DPP10: variants seen among roughly 807,000 people sequenced by gnomAD.
DPP10 encodes the protein dipeptidyl peptidase like 10.
In DPP10, 33 loss-of-function variants were observed where a neutral mutation model predicts 120.9. The observed-to-expected ratio is 0.27, with a 90% confidence interval of 0.21 to 0.37. The LOEUF is 0.37. Among genes scored for constraint, DPP10 ranks in the 10% least tolerant of loss-of-function variants. The pLI, the probability that DPP10 is intolerant of heterozygous loss-of-function variation, is 1.00. For synonymous variants in DPP10, 337 were observed against 326.1 expected (o/e 1.03, Z -0.36); for missense variants, 816 against 942.8 (o/e 0.87, Z 1.76).
intron 1 of DPP10, among the ~76,000 whole-genome samples, chr2:114,617,037 T>A (rs1439309509): frequency 6.6e-6 from 1 of 152,106 alleles, no homozygotes; most frequent in Non-Finnish European, 1.5e-5. Context: ...TACCACCAGT[T>A]AACATCAGAA....
chr2:114,918,764 G>C (rs1218588558), intron 1 of DPP10, among the ~76,000 whole-genome samples: 1 of 152,128 alleles, frequency 6.6e-6, no homozygotes, highest in Non-Finnish European at 1.5e-5. Flanking sequence ...TGTACACAAA[G>C]AGGGGATCAA....
At chr2:115,140,290 C>A (rs1359777100) in intron 1 of DPP10, among the ~76,000 whole-genome samples, 1 of 152,122 alleles carries the variant, frequency 6.6e-6, no homozygotes, top group East Asian at 1.9e-4. Context: ...AAGTGTACTA[C>A]TGGCAAAGGA....
At chr2:115,627,691 C>T (rs989463174) in intron 5 of DPP10, among the ~76,000 whole-genome samples, 1 of 152,072 alleles carries the variant, frequency 6.6e-6, no homozygotes, top group East Asian at 1.9e-4. Context: ...CCCTCACCCC[C>T]TCAAAGGGCC....
intron 5 of DPP10, among the ~76,000 whole-genome samples, chr2:115,596,386 T>G (rs950085466): frequency 2.0e-5 from 3 of 152,168 alleles, no homozygotes; most frequent in African/African-American, 7.2e-5. Flanking sequence ...GTTTAAATAT[T>G]TGATTTAAGT....
At chr2:114,797,480 C>A (rs1437041760) in intron 1 of DPP10, among the ~76,000 whole-genome samples, 2 of 152,132 alleles carry the variant, frequency 1.3e-5, no homozygotes, top group East Asian at 1.9e-4. Flanking sequence ...AACGTTGGAG[C>A]ATTAACAAGA....
intron 1 of DPP10, among the ~76,000 whole-genome samples, chr2:114,510,000 G>T (rs545343966): frequency 4.4e-4 from 67 of 151,868 alleles, no homozygotes; most frequent in African/African-American, 1.5e-3. Context: ...AGACTTCATG[G>T]ACAGAGTGAA....
rs150247099 is a variant in DPP10, at chr2:114,957,565, C to T, written c.61-351674C>T. On this transcript the variant is annotated intron_variant, in intron 1 of 25. Transcript: ENST00000410059. ...CCTCAATAAACTAAAAATAGAGCCACCATATGATCCAGCCATTTCACCTCT... is the reference window on the plus strand; with the variant it reads ...CCTCAATAAACTAAAAATAGAGCCATCATATGATCCAGCCATTTCACCTCT... Among the ~76,000 whole-genome samples, 461 of 152,190 alleles carry T rather than the reference C, an allele frequency of 3.0e-3. 1 individual carries two copies. The highest frequency in any genetic ancestry group is 0.011 in the African/African-American group (451 of 41,516).
chr2:115,297,069 G>T (rs1457802572), intron 1 of DPP10, among the ~76,000 whole-genome samples: 2 of 151,986 alleles, frequency 1.3e-5, no homozygotes, highest in Admixed American at 1.3e-4. Flanking sequence ...TTTATAAATA[G>T]TTTTCACTTG....
intron 19 of DPP10, among the ~76,000 whole-genome samples, chr2:115,797,455 A>G (rs1292637363): frequency 6.6e-6 from 1 of 152,064 alleles, no homozygotes; most frequent in Non-Finnish European, 1.5e-5. Context: ...TCTTGCAAAA[A>G]TAGTACATAT....
At chr2:115,747,627 T>C (rs1284558761) in intron 10 of DPP10, among the ~76,000 whole-genome samples, 4 of 144,874 alleles carry the variant, frequency 2.8e-5, no homozygotes, top group African/African-American at 1.0e-4. Flanking sequence ...GGAGTCTCAC[T>C]CTGTCACCCA....
At chr2:114,465,765 C>T (rs1407942895) in intron 1 of DPP10, among the ~76,000 whole-genome samples, 1 of 152,178 alleles carries the variant, frequency 6.6e-6, no homozygotes, top group African/African-American at 2.4e-5. Flanking sequence ...TATTCTGATA[C>T]ATGTATGCAA....
chr2:115,648,450 A>G (rs1180648679), intron 5 of DPP10, among the ~76,000 whole-genome samples: 2 of 152,062 alleles, frequency 1.3e-5, no homozygotes, highest in African/African-American at 4.8e-5. Context: ...TATGTGATAT[A>G]ATGCATATAT....
chr2:114,987,563 T>C (rs1045821395), intron 1 of DPP10, among the ~76,000 whole-genome samples: 18 of 152,276 alleles, frequency 1.2e-4, no homozygotes, highest in African/African-American at 4.3e-4. Context: ...ATTCATTTAC[T>C]CAGAATGTCA....
At chr2:115,019,669 C>G (rs1003668676) in intron 1 of DPP10, among the ~76,000 whole-genome samples, 1 of 152,162 alleles carries the variant, frequency 6.6e-6, no homozygotes, top group East Asian at 1.9e-4. Flanking sequence ...CAAAGAACAC[C>G]TGGGAAATTC....
chr2:115,593,519 A>C (rs534607958), intron 5 of DPP10, among the ~76,000 whole-genome samples: 1 of 152,286 alleles, frequency 6.6e-6, no homozygotes, highest in African/African-American at 2.4e-5. Context: ...GCTTTAAGAA[A>C]AGCACAGTTT....
intron 5 of DPP10, among the ~76,000 whole-genome samples, chr2:115,623,720 C>T (rs748983079): frequency 6.6e-6 from 1 of 152,156 alleles, no homozygotes; most frequent in Non-Finnish European, 1.5e-5. Context: ...ATCTGTAGTT[C>T]TGAGGAGGAG....
chr2:115,553,984 A>C (rs921874845), intron 5 of DPP10, among the ~76,000 whole-genome samples: 18 of 132,778 alleles, frequency 1.4e-4, no homozygotes, highest in Non-Finnish European at 2.4e-4. Context: ...TCCGACACCT[A>C]TCTCTCTCTC....
chr2:115,698,484 G>A (rs1191905448), intron 7 of DPP10, among the ~76,000 whole-genome samples: 2 of 152,156 alleles, frequency 1.3e-5, no homozygotes, highest in South Asian at 2.1e-4. Context: ...AAAAGTTTTA[G>A]GAGGTAATTA....
chr2:114,579,846 T>C (rs977077070), intron 1 of DPP10, among the ~76,000 whole-genome samples: 1 of 152,186 alleles, frequency 6.6e-6, no homozygotes, highest in Non-Finnish European at 1.5e-5. Context: ...TCCAGCTTTA[T>C]AGAGAGGAGC....
Sources: allele counts gnomAD v4.1 joint callset (sites outside exome capture counted in the v4.1 genomes callset), GRCh38; gene constraint gnomAD v4.1.1; transcripts MANE v1.5; gene names NCBI Gene and HGNC (gene_info 2026-07-23, HGNC 2026-07-21).